Variants in DCUN1D4 observed in about 807,000 individuals in gnomAD.
The protein encoded by DCUN1D4 is defective in cullin neddylation 1 domain containing 4, also known as DCN1-like protein 4.
A neutral mutation model predicts 47.9 loss-of-function variants in DCUN1D4; 22 were observed. The ratio of observed to expected loss-of-function variants is 0.46; its 90% CI spans 0.33 to 0.66. The LOEUF is 0.66. DCUN1D4 is among the 30% of genes least tolerant of loss of function. DCUN1D4 has a pLI of 0.02. For synonymous variants in DCUN1D4, 121 were observed against 112.2 expected (o/e 1.08, Z -0.50); for missense variants, 301 against 340.8 (o/e 0.88, Z 0.92).
upstream of DCUN1D4, among the ~76,000 whole-genome samples, chr4:51,841,417 C>T (rs140741326): frequency 3.9e-5 from 6 of 152,272 alleles, no homozygotes; most frequent in African/African-American, 1.4e-4. Flanking sequence ...ATCTGCCCAA[C>T]AAGCAATCCC....
At chr4:51,891,247 C>T (rs1730380727) in intron 6 of DCUN1D4, among the ~76,000 whole-genome samples, 1 of 152,250 alleles carries the variant, frequency 6.6e-6, no homozygotes, top group South Asian at 2.1e-4. Flanking sequence ...AGTTCTACTT[C>T]ATTCATCTTA....
At chr4:51,912,902 G>T (rs1179418648) in intron 9 of DCUN1D4, among the ~76,000 whole-genome samples, 1 of 152,184 alleles carries the variant, frequency 6.6e-6, no homozygotes, top group Non-Finnish European at 1.5e-5. Context: ...CTTACTTTGT[G>T]CCAAACACTG....
chr4:51,886,467 A>G lies in DCUN1D4; in HGVS notation c.344-101A>G, dbSNP rs1729489113. 3.0e-6 allele frequency: 3 copies of G among 987,738 alleles called. No individual in the cohort carries two copies. In the East Asian group the frequency reaches 7.9e-5, roughly 26 times the overall value. The allele number at this position is 987,738 out of a possible 1,614,324, so 61.2% of individuals were successfully genotyped here. On this transcript the variant is annotated intron_variant, in intron 5 of 10. Coordinates refer to ENST00000334635, the MANE Select transcript of DCUN1D4 (RefSeq NM_001040402.3). ...TGATTTTTTTTTCCAAAAGGAGTTA[A>G]TGGCCTTTAAGTCTTACTTGTTGAC... is the stretch of plus-strand genomic sequence containing the variant.
chr4:51,897,785 G>A (rs1361572011), intron 7 of DCUN1D4, among the ~76,000 whole-genome samples: 2 of 152,192 alleles, frequency 1.3e-5, no homozygotes, highest in African/African-American at 4.8e-5. Flanking sequence ...GGAAATTGGA[G>A]CCAGCTTTAG....
intron 1 of DCUN1D4, among the ~76,000 whole-genome samples, chr4:51,846,833 T>G (rs1357670184): frequency 6.6e-6 from 1 of 152,196 alleles, no homozygotes; most frequent in East Asian, 1.9e-4. Flanking sequence ...TCTTCTTCTA[T>G]TAGTGTTTTA....
chr4:51,837,471 C>G, the DCUN1D4 span, among the ~76,000 whole-genome samples: 4 of 151,596 alleles, frequency 2.6e-5, no homozygotes, highest in Non-Finnish European at 5.9e-5. Context: ...ATCGAGACCA[C>G]GGTGAAACCC....
intron 8 of DCUN1D4, among the ~76,000 whole-genome samples, chr4:51,908,680 G>T (rs1269082638): frequency 6.6e-6 from 1 of 151,820 alleles, no homozygotes; most frequent in Non-Finnish European, 1.5e-5. Flanking sequence ...GAACCCCTTT[G>T]CAGAGAATGT....
chr4:51,873,274 C>A (rs1727185041), intron 3 of DCUN1D4, among the ~76,000 whole-genome samples: 2 of 152,172 alleles, frequency 1.3e-5, no homozygotes, highest in African/African-American at 4.8e-5. Context: ...AATACCTAAG[C>A]CTTAGTTTTC....
At position 51,878,967 on chromosome 4, in the gene DCUN1D4, G is replaced by A. The variant is rs559928966; in HGVS notation, c.343+1113G>A. 1.6e-3 allele frequency among the ~76,000 whole-genome samples: 244 copies of A among 152,288 alleles called. 5 individuals carry two copies. Among genetic ancestry groups the A allele is most frequent in the Middle Eastern group, 0.01 (3 of 294 alleles). On this transcript the variant is annotated intron_variant, in intron 5 of 10. Coordinates refer to ENST00000334635, the MANE Select transcript of DCUN1D4 (RefSeq NM_001040402.3). Reference sequence around the variant, plus strand: ...CCACAGAGATTGGTCTAGGTGGCTGGCACATAACCCAGGCCAGGCCAGTCA... The same window carrying A: ...CCACAGAGATTGGTCTAGGTGGCTGACACATAACCCAGGCCAGGCCAGTCA...
At chr4:51,890,975 C>T (rs1730330987) in intron 6 of DCUN1D4, among the ~76,000 whole-genome samples, 1 of 152,212 alleles carries the variant, frequency 6.6e-6, no homozygotes, top group African/African-American at 2.4e-5. Flanking sequence ...CACCTGGGGG[C>T]CTGCCCCTCC....
intron 5 of DCUN1D4, among the ~76,000 whole-genome samples, chr4:51,878,386 AAAAAAG>A (rs1475543311): frequency 4.6e-5 from 7 of 152,282 alleles, no homozygotes; most frequent in African/African-American, 1.2e-4. Context: ...TGTATGGTGT[AAAAAAG>A]AAAAAGAAAA....
At chr4:51,846,031 T>C (rs1411855454) in intron 1 of DCUN1D4, among the ~76,000 whole-genome samples, 2 of 152,226 alleles carry the variant, frequency 1.3e-5, no homozygotes, top group East Asian at 3.8e-4. Flanking sequence ...ATGCAAGAGC[T>C]ATAATTGTCT....
intron 3 of DCUN1D4, among the ~76,000 whole-genome samples, chr4:51,870,515 T>A (rs1726720229): frequency 2.0e-5 from 3 of 152,186 alleles, no homozygotes; most frequent in Non-Finnish European, 2.9e-5. Flanking sequence ...TTTTTTTTTT[T>A]TTAGAAGAAT....
At chr4:51,896,624 CT>C (rs2110085286) in intron 7 of DCUN1D4, among the ~76,000 whole-genome samples, 1 of 152,242 alleles carries the variant, frequency 6.6e-6, no homozygotes, top group Admixed American at 6.5e-5. Context: ...AGTAGAAAAT[CT>C]AACCCTATAG....
chr4:51,863,912 T>G (rs1725485399), intron 3 of DCUN1D4, among the ~76,000 whole-genome samples: 1 of 152,232 alleles, frequency 6.6e-6, no homozygotes, highest in Admixed American at 6.5e-5. Flanking sequence ...AAGCACTTTT[T>G]AATGCCTTTA....
rs2109996961 is a variant in DCUN1D4, at chr4:51,877,768, A to G, written c.257A>G (p.Tyr86Cys). 1 of 1,603,056 alleles carries G rather than the reference A, an allele frequency of 6.2e-7. No homozygotes were observed. The highest frequency in any genetic ancestry group is 8.5e-7 in the Non-Finnish European group (1 of 1,174,750). ...ACTGCCTTTTCAATTTCCAGCATGT[A>G]TAGAAAATATGATTCGACTAGAATA... ...SAKKSRHDSM[Y>C]RKYDSTRIKT... Residue 86 changes from tyrosine to cysteine, a missense_variant, in exon 5 of 11, where the codon TAT (tyrosine) becomes TGT (cysteine). Tyr to Cys is a radical substitution (Grantham distance 194, BLOSUM62 -2). This residue lies in a region of DCUN1D4 where 131 missense variants were observed against 106.3 expected (regional missense o/e 1.23). Coordinates refer to ENST00000334635, the MANE Select transcript of DCUN1D4 (RefSeq NM_001040402.3).
intron 5 of DCUN1D4, among the ~76,000 whole-genome samples, chr4:51,886,239 A>G (rs1174336899): frequency 6.6e-6 from 1 of 152,224 alleles, no homozygotes; most frequent in Non-Finnish European, 1.5e-5. Context: ...AAATTATTTT[A>G]TGTATTGAAA....
chr4:51,869,958 T>C (rs569612502), intron 3 of DCUN1D4, among the ~76,000 whole-genome samples: 1 of 152,262 alleles, frequency 6.6e-6, no homozygotes, highest in East Asian at 1.9e-4. Flanking sequence ...TGGGCAAAAA[T>C]TGCACACAAT....
chr4:51,867,708 T>C (rs1726184272), intron 3 of DCUN1D4, among the ~76,000 whole-genome samples: 1 of 152,174 alleles, frequency 6.6e-6, no homozygotes, highest in African/African-American at 2.4e-5. Flanking sequence ...GATTGGTCCA[T>C]GGGCAGCCAT....
Sources: allele counts gnomAD v4.1 joint callset (sites outside exome capture counted in the v4.1 genomes callset), GRCh38; gene constraint gnomAD v4.1.1; regional missense constraint gnomAD v4.1.1; transcripts MANE v1.5; gene names NCBI Gene and HGNC (gene_info 2026-07-23, HGNC 2026-07-21).